BTD: variants seen among roughly 807,000 people sequenced by gnomAD.
BTD encodes the protein biocytinase.
Under a neutral mutation model 17.7 loss-of-function variants are expected in BTD, and 13 were observed. The observed-to-expected ratio is 0.74, with a 90% CI of 0.48 to 1.17. The LOEUF is 1.17. Ranked by LOEUF, BTD falls within the 50% of genes most tolerant of loss-of-function variation. The pLI is 0.00. For synonymous variants in BTD, 240 were observed against 245.2 expected, an observed-to-expected ratio of 0.98 and a Z score of 0.20; for missense variants, 674 against 650.4, an observed-to-expected ratio of 1.04 and a Z score of -0.39.
At chr3:15,712,697 A>C (rs962213836) in exon 4 of BTD, among the ~76,000 whole-genome samples, 2 of 152,200 alleles carry the variant, frequency 1.3e-5, no homozygotes, top group African/African-American at 4.8e-5. Context: ...AATAGTGAAA[A>C]ACTGTAAGCA....
chr3:15,602,085 A>G, intron 1 of BTD, 191 bp downstream of exon 1: 6 of 1,438,862 alleles, frequency 4.2e-6, no homozygotes, highest in Admixed American at 2.8e-5. Context: ...TTTTCTAGGC[A>G]TTTACTTACA....
intron 3 of BTD, among the ~76,000 whole-genome samples, chr3:15,710,036 G>GTTTTTTT (rs34686530): frequency 6.8e-6 from 1 of 146,336 alleles, no homozygotes; most frequent in African/African-American, 2.5e-5. Context: ...TTGCTTATAG[G>GTTTTTTT]TTTTTTTTTT....
intron 3 of BTD, chr3:15,686,161 C>T (rs1199172874): frequency 1.9e-6 from 3 of 1,601,068 alleles, no homozygotes; most frequent in Admixed American, 1.7e-5. Context: ...TCACTTAAGA[C>T]TGTACTCTGG....
chr3:15,652,310 AG>A lies in BTD; in HGVS notation c.*6823del, dbSNP rs2065816585. 6.6e-6 allele frequency among the ~76,000 whole-genome samples: 1 copy of A among 152,134 alleles called. No individual in the cohort carries two copies. The highest frequency in any genetic ancestry group is 1.5e-5 in the Non-Finnish European group (1 of 68,014). ...CACTGCACTCCAGTCTGGGCAACAG[AG>A]CGACACTCCGTCTCCAAAAAAAAAA... is the stretch of plus-strand genomic sequence containing the variant. On this transcript the variant is annotated 3_prime_UTR_variant, in exon 4 of 4. Transcript: ENST00000643237.
Position 15,710,057 on chromosome 3 carries a change from CAG to C in BTD, c.400_401del, listed in dbSNP as rs2072026521. Reference sequence around the variant, plus strand: ...ATAGGTTTTTTTTTTTTTCTTGAAACAGAGCCTCACTCTATAGTTTAGGCTAG... The same window carrying C: ...ATAGGTTTTTTTTTTTTTCTTGAAACAGCCTCACTCTATAGTTTAGGCTAG... On this transcript the variant is annotated splice_acceptor_variant, in intron 3 of 3. Transcript: ENST00000672141. LOFTEE classifies it high-confidence loss of function. Among the ~76,000 whole-genome samples the C allele has an allele frequency of 6.9e-6, 1 of 144,106 alleles. No homozygotes were observed. Among genetic ancestry groups the C allele is most frequent in the Non-Finnish European group, 1.5e-5 (1 of 66,282 alleles). 94.5% of individuals were successfully genotyped at this position (144,106 alleles called of 152,430 possible).
At chr3:15,719,896 G>C (rs1467536217) in intron 4 of BTD, among the ~76,000 whole-genome samples, 2 of 151,598 alleles carry the variant, frequency 1.3e-5, no homozygotes, top group Non-Finnish European at 2.9e-5. Flanking sequence ...TTTGAGACAG[G>C]GTCTCACTCT....
At chr3:15,718,367 T>C (rs1178797647) in intron 4 of BTD, among the ~76,000 whole-genome samples, 1 of 152,210 alleles carries the variant, frequency 6.6e-6, no homozygotes, top group Non-Finnish European at 1.5e-5. Context: ...TCTTAATGCC[T>C]TTGCTAAAAA....
At chr3:15,616,477 G>T (rs146124520) in intron 1 of BTD, among the ~76,000 whole-genome samples, 6 of 152,158 alleles carry the variant, frequency 3.9e-5, no homozygotes, top group East Asian at 1.9e-4. Context: ...TTAGCCGGTC[G>T]TGGTGGCAGG....
chr3:15,698,329 C>T (rs547923787), intron 3 of BTD, among the ~76,000 whole-genome samples: 4 of 152,216 alleles, frequency 2.6e-5, no homozygotes, highest in African/African-American at 9.6e-5. Context: ...AAAACTGGCA[C>T]AAGACAGGGA....
Position 15,694,795 on chromosome 3 carries a change from T to A in BTD, c.400-15265T>A, listed in dbSNP as rs761188073. ...TTATCTGAATCACTCAGCATGTCTG[T>A]TCCTGAGGTTTCCATTAACTGAAAA... On this transcript the variant is annotated intron_variant, in intron 3 of 3. Transcript: ENST00000672141. 3 of 1,613,372 alleles carry A rather than the reference T, an allele frequency of 1.9e-6. No individual in the cohort carries two copies. The African/African-American group carries it at 4.0e-5, about 22-fold the overall frequency.
exon 4 of BTD, among the ~76,000 whole-genome samples, chr3:15,712,760 A>C (rs2072483570): frequency 6.6e-6 from 1 of 152,242 alleles, no homozygotes; most frequent in Non-Finnish European, 1.5e-5. Context: ...TTTATACAAT[A>C]ATTCTATAAA....
chr3:15,625,516 C>A (rs1428548559), intron 1 of BTD, among the ~76,000 whole-genome samples: 1 of 152,054 alleles, frequency 6.6e-6, no homozygotes, highest in East Asian at 1.9e-4. Flanking sequence ...AAGACTGGGT[C>A]CCTCTGGAGT....
intron 3 of BTD, among the ~76,000 whole-genome samples, chr3:15,643,186 C>A (rs570666353): frequency 6.6e-6 from 1 of 152,140 alleles, no homozygotes; most frequent in South Asian, 2.1e-4. Context: ...TTTTTCCATC[C>A]TTTGGTCAAT....
chr3:15,683,522 T>A (rs2067764915), intron 3 of BTD, among the ~76,000 whole-genome samples: 1 of 152,148 alleles, frequency 6.6e-6, no homozygotes, highest in Non-Finnish European at 1.5e-5. Context: ...GGTTAAGGAT[T>A]TAAGGTAGTA....
chr3:15,706,124 G>A lies in BTD; in HGVS notation c.400-3936G>A, dbSNP rs143616650. Among the ~76,000 whole-genome samples the A allele has an allele frequency of 6.4e-3, 964 of 151,744 alleles. 14 individuals are homozygous for A. The highest frequency in any genetic ancestry group is 0.022 in the African/African-American group (892 of 41,360). On this transcript the variant is annotated intron_variant, in intron 3 of 3. Transcript: ENST00000672141. ...TTTTATTGTTATACTTTGTTCTAGA[G>A]TACCTGTGCACAATATGCAGGTTTG... is the stretch of plus-strand genomic sequence containing the variant.
At chr3:15,677,383 G>A in intron 3 of BTD, 1 of 839,488 alleles carries the variant, frequency 1.2e-6, no homozygotes, top group Non-Finnish European at 1.9e-6. Context: ...CATTAGAGAG[G>A]TTTGGTCCTG....
intron 3 of BTD, chr3:15,708,194 T>G (rs779102059): frequency 3.3e-5 from 35 of 1,053,554 alleles, no homozygotes; most frequent in Non-Finnish European, 4.4e-5. Flanking sequence ...TACCATATAC[T>G]AAGTCTTGCG....
At chr3:15,628,635 G>C (rs2125424020) in intron 1 of BTD, among the ~76,000 whole-genome samples, 1 of 152,300 alleles carries the variant, frequency 6.6e-6, no homozygotes, top group East Asian at 1.9e-4. Flanking sequence ...AAGCATTCCA[G>C]AAGAACAGAG....
At chr3:15,663,004 T>A (rs1177320814) in intron 3 of BTD, among the ~76,000 whole-genome samples, 1 of 147,772 alleles carries the variant, frequency 6.8e-6, no homozygotes, top group African/African-American at 2.5e-5. Context: ...ATGAGAAATA[T>A]TTTTTTTTTT....
Sources: gnomAD v4.1 joint callset for allele counts (sites outside exome capture counted in the v4.1 genomes callset) on GRCh38, gnomAD v4.1.1 for gene constraint, MANE v1.5 for transcripts, NCBI Gene and HGNC (gene_info 2026-07-23, HGNC 2026-07-21) for gene names.